The following ACOT7 variants were observed in gnomAD, a reference collection of about 807,000 sequenced individuals.
ACOT7 encodes the protein cytosolic acyl coenzyme A thioester hydrolase.
In ACOT7, 12 loss-of-function variants were observed where a neutral mutation model predicts 40.2. The observed-to-expected ratio is 0.30, with a 90% CI of 0.19 to 0.48. ACOT7 has a LOEUF of 0.48. Ranked by LOEUF, ACOT7 falls within the 20% of genes least tolerant of loss-of-function variation. The pLI is 0.99. For missense variants in ACOT7, 395 were observed against 530.8 expected, an observed-to-expected ratio of 0.74 and a Z score of 2.51; for synonymous variants, 228 against 219.5, an observed-to-expected ratio of 1.04 and a Z score of -0.34.
intron 3 of ACOT7, among the ~76,000 whole-genome samples, chr1:6,336,168 C>T (rs774191224): frequency 3.3e-5 from 5 of 151,860 alleles, no homozygotes; most frequent in Non-Finnish European, 7.4e-5. Context: ...CAGGTCTCTA[C>T]TAAAAATACA....
rs946460142 is a variant in ACOT7 at position 6,330,669 on chromosome 1, G to A, written c.510+2808C>T. Among the ~76,000 whole-genome samples, 8 of 152,274 alleles carry A rather than the reference G, an allele frequency of 5.3e-5. No individual in the cohort carries two copies. The highest frequency in any genetic ancestry group is 3.9e-4 in the Admixed American group (6 of 15,302). On this transcript the variant is annotated intron_variant, in intron 4 of 8. Transcript: ENST00000361521. The surrounding 1 kb of genome is among the most constrained non-coding windows in gnomAD (Gnocchi z 4.6). ...GCAAGGAGAGGCGAGGCTAACAGGG[G>A]CCACGCTGAAAGCACCCTGTCCCTG...
chr1:6,312,063 G>T (rs543473383), intron 6 of ACOT7, among the ~76,000 whole-genome samples: 71 of 152,270 alleles, frequency 4.7e-4, no homozygotes, highest in African/African-American at 1.7e-3. Context: ...GGATCTGACG[G>T]AGAAGTGAGA....
intron 1 of ACOT7, among the ~76,000 whole-genome samples, chr1:6,374,376 A>G (rs553600409): frequency 6.6e-6 from 1 of 152,364 alleles, no homozygotes; most frequent in South Asian, 2.1e-4. Context: ...GCAGGCCCTA[A>G]GTACTTCCAG....
chr1:6,296,774 A>G (rs1304497365), intron 6 of ACOT7, among the ~76,000 whole-genome samples: 1 of 151,664 alleles, frequency 6.6e-6, no homozygotes, highest in Non-Finnish European at 1.5e-5. Context: ...GTCTTGCTAT[A>G]TTGCCCAGGC....
At chr1:6,346,581 G>A (rs546955829) in intron 2 of ACOT7, among the ~76,000 whole-genome samples, 3 of 152,364 alleles carry the variant, frequency 2.0e-5, no homozygotes, top group South Asian at 4.1e-4. Context: ...GGACTCGTGC[G>A]GACGTGCCTT....
chr1:6,371,516 C>A (rs1642133797), intron 1 of ACOT7, among the ~76,000 whole-genome samples: 2 of 151,972 alleles, frequency 1.3e-5, no homozygotes, highest in Admixed American at 6.6e-5. Context: ...GCAAGTGCCA[C>A]CACACTCAGC....
chr1:6,264,330 C>T lies in ACOT7; in HGVS notation c.*267G>A. On this transcript the variant is annotated 3_prime_UTR_variant, in exon 9 of 9. Coordinates refer to ENST00000361521, the MANE Select transcript of ACOT7 (RefSeq NM_007274.4). ...GGTTCTTCCCATACCCTACAGCGTG[C>T]TCGGAAGCATTCCCGAGGGTTTCTG... 1 of 478,364 alleles carries T rather than the reference C, an allele frequency of 2.1e-6. No homozygotes were observed. Among genetic ancestry groups the T allele is most frequent in the Non-Finnish European group, 3.7e-6 (1 of 271,372 alleles). The allele number at this position is 478,364 out of a possible 1,614,324, so 29.6% of individuals were successfully genotyped here. A position where few individuals can be genotyped will look rare whatever the true frequency, so the allele number is the denominator to read the frequency against.
intron 2 of ACOT7, among the ~76,000 whole-genome samples, chr1:6,344,779 A>G (rs1641373383): frequency 7.1e-6 from 1 of 140,638 alleles, no homozygotes; most frequent in Admixed American, 6.9e-5. Flanking sequence ...AAAAAAAAAA[A>G]AAAAAAAAAA....
chr1:6,333,451 A>G (rs1173549995), intron 4 of ACOT7, 26 bp downstream of exon 4: 25 of 1,613,052 alleles, frequency 1.5e-5, no homozygotes, highest in Non-Finnish European at 2.0e-5. Flanking sequence ...TCTGCCCCCA[A>G]GAGAGAAGTA....
rs1329906736 is a variant in ACOT7, at chr1:6,294,648, C to A, written c.829+216G>T. 6.6e-6 allele frequency among the ~76,000 whole-genome samples: 1 copy of A among 152,182 alleles called. No individual in the cohort carries two copies. Among genetic ancestry groups the A allele is most frequent in the African/African-American group, 2.4e-5 (1 of 41,442 alleles). ...AGGCAGGTCTTTAGGAGGATAATGG[C>A]CCCGTCATATCTGAGTCAAGGATTT... is the stretch of plus-strand genomic sequence containing the variant. On this transcript the variant is annotated intron_variant, in intron 7 of 8. Transcript: ENST00000361521. The surrounding 1 kb of genome is among the most constrained non-coding windows in gnomAD (Gnocchi z 4.6).
rs1639758308 is a variant in ACOT7 at position 6,294,478 on chromosome 1, C to T, written c.829+386G>A. ...TCCTGCGGGCTTTTCTGTACTGACC[C>T]TGCCACTGCCTAAATCATGAATCAT... On this transcript the variant is annotated intron_variant, in intron 7 of 8. Transcript: ENST00000361521. The surrounding 1 kb of genome is among the most constrained non-coding windows in gnomAD (Gnocchi z 4.6). Among the ~76,000 whole-genome samples, 1 of 152,136 alleles carries T rather than the reference C, an allele frequency of 6.6e-6. No homozygotes were observed. Among genetic ancestry groups the T allele is most frequent in the South Asian group, 2.1e-4 (1 of 4,828 alleles).
intron 7 of ACOT7, among the ~76,000 whole-genome samples, chr1:6,291,668 C>A (rs1411023835): frequency 6.6e-6 from 1 of 152,196 alleles, no homozygotes; most frequent in Non-Finnish European, 1.5e-5. Flanking sequence ...TGTGCCCCCA[C>A]CCGGCAGGGC....
intron 4 of ACOT7, among the ~76,000 whole-genome samples, chr1:6,332,538 G>A (rs1026252391): frequency 9.2e-5 from 14 of 152,200 alleles, no homozygotes; most frequent in South Asian, 4.1e-4. Flanking sequence ...TGCTTCTGCC[G>A]GGCGCAGTGG....
At chr1:6,370,466 T>C (rs1050077673) in intron 1 of ACOT7, among the ~76,000 whole-genome samples, 2 of 87,740 alleles carry the variant, frequency 2.3e-5, no homozygotes, top group Non-Finnish European at 4.3e-5. Flanking sequence ...AGTATTATTA[T>C]TATTATTATT....
At chr1:6,375,221 C>T (rs1642204979) in intron 1 of ACOT7, among the ~76,000 whole-genome samples, 2 of 149,838 alleles carry the variant, frequency 1.3e-5, no homozygotes, top group African/African-American at 2.5e-5. Flanking sequence ...CAAGATCGCG[C>T]CACTGCACTC....
At position 6,393,382 on chromosome 1, in the gene ACOT7, G is replaced by A. The variant is rs201907487; in HGVS notation, c.18C>T (p.Leu6=). 108 of 1,232,404 alleles carry A rather than the reference G, an allele frequency of 8.8e-5. No individual in the cohort carries two copies. The East Asian group carries it at 3.4e-3, about 39-fold the overall frequency. 76.3% of individuals were successfully genotyped at this position (1,232,404 alleles called of 1,614,324 possible). Reference sequence around the variant, plus strand: ...CTGGCAGGCCCGGCGCGGAATGAATGAGCCCGGGCCGCGCCATAAAGGGGG... The same window carrying A: ...CTGGCAGGCCCGGCGCGGAATGAATAAGCCCGGGCCGCGCCATAAAGGGGG... MARPG[L]IHSAPGLPDT... is the part of the protein sequence containing the mutation. The change falls in exon 1 of 9, where the codon CTC becomes CTT. Residue 6 remains leucine (L), a synonymous_variant. Coordinates refer to ENST00000361521, the MANE Select transcript of ACOT7 (RefSeq NM_007274.4).
At chr1:6,357,278 C>T (rs1472225386) in intron 1 of ACOT7, among the ~76,000 whole-genome samples, 2 of 152,090 alleles carry the variant, frequency 1.3e-5, no homozygotes, top group East Asian at 1.9e-4. Context: ...AACATTACTA[C>T]GTGAAACCCA....
chr1:6,351,083 A>C (rs1197806253), intron 1 of ACOT7, among the ~76,000 whole-genome samples: 1 of 152,228 alleles, frequency 6.6e-6, no homozygotes, highest in Non-Finnish European at 1.5e-5. Context: ...CTTGGTTGGA[A>C]GCTCCAAGAA....
intron 6 of ACOT7, among the ~76,000 whole-genome samples, chr1:6,302,710 G>A (rs930775733): frequency 5.9e-5 from 9 of 151,878 alleles, no homozygotes; most frequent in African/African-American, 1.2e-4. Flanking sequence ...CTCTCCTACC[G>A]GCGAGACACA....
Sources: gnomAD v4.1 joint callset for allele counts (sites outside exome capture counted in the v4.1 genomes callset) on GRCh38, gnomAD v4.1.1 for gene constraint, Gnocchi (gnomAD v3.1) non-coding constraint, MANE v1.5 for transcripts, NCBI Gene and HGNC (gene_info 2026-07-23, HGNC 2026-07-21) for gene names.